The following CPQ variants were observed in gnomAD, a reference collection of about 807,000 sequenced individuals.
CPQ encodes carboxypeptidase Q, also known as Ser-Met dipeptidase.
Under a neutral mutation model 45.7 loss-of-function variants are expected in CPQ, and 37 were observed. The ratio of observed to expected loss-of-function variants is 0.81; its 90% CI spans 0.62 to 1.07. The LOEUF is 1.07. Among genes scored for constraint, CPQ ranks in the 50% least tolerant of loss-of-function variants. CPQ has a pLI of 0.00. For synonymous variants in CPQ, 186 were observed against 205.8 expected (o/e 0.90, Z 0.82); for missense variants, 537 against 572.9 (o/e 0.94, Z 0.64).
At chr8:96,937,725 T>C (rs768449469) in intron 4 of CPQ, among the ~76,000 whole-genome samples, 1 of 152,184 alleles carries the variant, frequency 6.6e-6, no homozygotes, top group Non-Finnish European at 1.5e-5. Context: ...CCATGTTTTT[T>C]AGGAAGCCTC....
intron 5 of CPQ, among the ~76,000 whole-genome samples, chr8:97,001,721 C>CTTTTTTTTTTTTTTT (rs61282246): frequency 5.8e-4 from 53 of 92,062 alleles, no homozygotes; most frequent in Non-Finnish European, 6.1e-4. Flanking sequence ...TTCTTTCTTT[C>CTTTTTTTTTTTTTTT]TTTTTTTTTT....
At chr8:97,086,377 G>T (rs1446847494) in intron 7 of CPQ, among the ~76,000 whole-genome samples, 2 of 152,148 alleles carry the variant, frequency 1.3e-5, no homozygotes, top group Non-Finnish European at 2.9e-5. Context: ...TAACATCCAT[G>T]TGAATGGGTA....
At chr8:96,892,745 C>G (rs1357118116) in intron 4 of CPQ, among the ~76,000 whole-genome samples, 1 of 152,030 alleles carries the variant, frequency 6.6e-6, no homozygotes, top group Non-Finnish European at 1.5e-5. Context: ...ATAGCTGAAG[C>G]CAGACAGACT....
chr8:96,698,663 A>C (rs1211282771), intron 1 of CPQ, among the ~76,000 whole-genome samples: 1 of 152,108 alleles, frequency 6.6e-6, no homozygotes, highest in Admixed American at 6.6e-5. Flanking sequence ...AAATATAATA[A>C]TATTATGAAA....
intron 5 of CPQ, among the ~76,000 whole-genome samples, chr8:97,003,023 G>A (rs1014463526): frequency 1.3e-5 from 2 of 152,030 alleles, no homozygotes; most frequent in Non-Finnish European, 2.9e-5. Context: ...ATGCCCTTCT[G>A]TGTCTTTTTG....
intron 4 of CPQ, among the ~76,000 whole-genome samples, chr8:96,905,954 A>G (rs1402916896): frequency 1.3e-5 from 2 of 152,126 alleles, no homozygotes; most frequent in Admixed American, 1.3e-4. Flanking sequence ...TTTTTATCAG[A>G]AGCTATTGAG....
intron 4 of CPQ, among the ~76,000 whole-genome samples, chr8:96,899,606 A>G (rs1291088141): frequency 1.3e-5 from 2 of 152,038 alleles, no homozygotes; most frequent in Non-Finnish European, 2.9e-5. Context: ...CAAGAGAGAG[A>G]GAGTGGGAGG....
chr8:96,941,676 C>T (rs1326363983), intron 4 of CPQ, among the ~76,000 whole-genome samples: 1 of 152,120 alleles, frequency 6.6e-6, no homozygotes, highest in Non-Finnish European at 1.5e-5. Context: ...TTGCCAAGCT[C>T]CTCCAGGTCT....
chr8:96,711,012 T>C (rs562233353), intron 1 of CPQ, among the ~76,000 whole-genome samples: 15 of 152,216 alleles, frequency 9.9e-5, no homozygotes, highest in Admixed American at 4.6e-4. Context: ...AACTGTTTTA[T>C]GAATGTGGGA....
Position 96,727,093 on chromosome 8 carries a change from A to C in CPQ, c.-34-57771A>C, listed in dbSNP as rs980233532. Among the ~76,000 whole-genome samples the C allele has an allele frequency of 3.3e-5, 5 of 152,288 alleles. No individual in the cohort carries two copies. In the South Asian group the frequency reaches 1.0e-3, roughly 32 times the overall value. On this transcript the variant is annotated intron_variant, in intron 1 of 7. Coordinates refer to ENST00000220763, the MANE Select transcript of CPQ (RefSeq NM_016134.4). ...GTGATGGCTATGAACATTCTTGTGC[A>C]TATCTCTTTTTGTACATGTGCAAGA...
intron 1 of CPQ, among the ~76,000 whole-genome samples, chr8:96,745,603 G>T (rs1810169367): frequency 6.6e-6 from 1 of 152,138 alleles, no homozygotes; most frequent in African/African-American, 2.4e-5. Flanking sequence ...AGAAAAATGA[G>T]GCTCAGAGAG....
chr8:96,716,970 T>C (rs1809682442), intron 1 of CPQ, among the ~76,000 whole-genome samples: 1 of 145,870 alleles, frequency 6.9e-6, no homozygotes, highest in Non-Finnish European at 1.5e-5. Context: ...TCCATGTTGC[T>C]GTGAATGTCA....
chr8:96,709,212 C>T lies in CPQ; in HGVS notation c.-35+63810C>T, dbSNP rs142303182. 2.7e-4 allele frequency among the ~76,000 whole-genome samples: 41 copies of T among 152,106 alleles called. No individual in the cohort carries two copies. The South Asian group carries it at 6.8e-3, about 25-fold the overall frequency. On this transcript the variant is annotated intron_variant, in intron 1 of 7. Transcript: ENST00000220763. ...AGTGTACCTGTCCCTGGACATTGTA[C>T]CCAATATGTGGTTTTTTTAATCCCT...
At chr8:97,111,265 A>C (rs537191470) in intron 7 of CPQ, among the ~76,000 whole-genome samples, 1 of 152,244 alleles carries the variant, frequency 6.6e-6, no homozygotes, top group South Asian at 2.1e-4. Flanking sequence ...CTCCTCCTAG[A>C]AGCTGTCTTC....
chr8:96,661,750 TC>T (rs1483121502), intron 1 of CPQ, among the ~76,000 whole-genome samples: 1 of 152,256 alleles, frequency 6.6e-6, no homozygotes, highest in African/African-American at 2.4e-5. Context: ...GCTCTTTACA[TC>T]CATGTGCAGG....
In CPQ at chr8:96,929,235, A is replaced by G. The variant is rs1175767272; in HGVS notation, c.850-36700A>G. On this transcript the variant is annotated intron_variant, in intron 4 of 7. Transcript: ENST00000220763. ...ACAAAGACCCTTTCAAAGGCAAAGGAATAGAATGTATAACATTCCATTTTG... is the reference window on the plus strand; with the variant it reads ...ACAAAGACCCTTTCAAAGGCAAAGGGATAGAATGTATAACATTCCATTTTG... Among the ~76,000 whole-genome samples the G allele has an allele frequency of 2.0e-5, 3 of 152,192 alleles. No individual in the cohort carries two copies. In the East Asian group the frequency reaches 5.8e-4, roughly 29 times the overall value.
chr8:97,119,110 C>A (rs1811648166), intron 7 of CPQ, among the ~76,000 whole-genome samples: 1 of 151,958 alleles, frequency 6.6e-6, no homozygotes. Context: ...GGGTGGATCA[C>A]CTGAGGTCAG....
intron 4 of CPQ, among the ~76,000 whole-genome samples, chr8:96,891,383 C>G (rs190958551): frequency 6.6e-6 from 1 of 152,178 alleles, no homozygotes; most frequent in Admixed American, 6.5e-5. Context: ...ATATCGAGGG[C>G]TCAGTGTTGG....
At chr8:96,828,716 G>A (rs1290820418) in intron 2 of CPQ, among the ~76,000 whole-genome samples, 2 of 151,986 alleles carry the variant, frequency 1.3e-5, no homozygotes, top group Admixed American at 6.6e-5. Flanking sequence ...ACCTTTACAA[G>A]GAAACACCCA....
Sources: gnomAD v4.1 joint callset for allele counts (sites outside exome capture counted in the v4.1 genomes callset) on GRCh38, gnomAD v4.1.1 for gene constraint, MANE v1.5 for transcripts, NCBI Gene and HGNC (gene_info 2026-07-23, HGNC 2026-07-21) for gene names.